The following TUBG2 variants were observed in gnomAD, a reference collection of about 807,000 sequenced individuals.
The protein encoded by TUBG2 is tubulin gamma-2 chain.
TUBG2 carries 39 observed loss-of-function variants against 55.1 expected under a neutral mutation model. The observed-to-expected ratio is 0.71, with a 90% CI of 0.55 to 0.93. The LOEUF is 0.93. Ranked by LOEUF, TUBG2 falls within the 40% of genes least tolerant of loss-of-function variation. The pLI is 0.00. For missense variants in TUBG2, 358 were observed against 599.1 expected (o/e 0.60, Z 4.20); for synonymous variants, 223 against 241.0 (o/e 0.93, Z 0.69).
rs1445029003 is a variant in TUBG2, at chr17:42,666,678, G to A, written c.1234G>A (p.Asp412Asn). The A allele has an allele frequency of 3.1e-6, 5 of 1,614,202 alleles. No homozygotes were observed. Among genetic ancestry groups the A allele is most frequent in the Admixed American group, 1.7e-5 (1 of 60,026 alleles). The change falls in exon 11 of 11, where the codon GAC becomes AAC. Residue 412 changes from aspartate (D) to asparagine (N), a missense_variant. Transcript: ENST00000251412. Reference protein sequence around the residue: ...DAFLEQFRKEDMFKDNFDEMD... With the variant: ...DAFLEQFRKENMFKDNFDEMD... ...CTTCCTCGAGCAGTTCCGTAAGGAGGACATGTTCAAGGACAACTTTGATGA... is the reference window on the plus strand; with the variant it reads ...CTTCCTCGAGCAGTTCCGTAAGGAGAACATGTTCAAGGACAACTTTGATGA...
intron 6 of TUBG2, among the ~76,000 whole-genome samples, chr17:42,664,184 G>T (rs2052461498): frequency 6.6e-6 from 1 of 151,886 alleles, no homozygotes. Flanking sequence ...GCTGAGGTGG[G>T]GGGATTGCTT....
chr17:42,663,851 G>A (rs1290074533), intron 6 of TUBG2, among the ~76,000 whole-genome samples: 1 of 151,952 alleles, frequency 6.6e-6, no homozygotes, highest in African/African-American at 2.4e-5. Flanking sequence ...GCTGAGGCAG[G>A]AGAGTTGCTT....
At chr17:42,663,942 C>CA (rs376456859) in intron 6 of TUBG2, among the ~76,000 whole-genome samples, 92,166 of 130,034 alleles carry the variant, frequency 0.71, 32,383 homozygotes, top group East Asian at 0.96. Context: ...GACTCTGTCT[C>CA]AAAAAAAAAA....
chr17:42,665,429 T>C (rs771288583), intron 6 of TUBG2, 47 bp from the exon 7 acceptor site: 10 of 1,613,372 alleles, frequency 6.2e-6, no homozygotes, highest in Non-Finnish European at 7.6e-6. Flanking sequence ...CTTATTTCTA[T>C]GCCCATTTTA....
At chr17:42,665,193 G>T (rs746245462) in intron 6 of TUBG2, among the ~76,000 whole-genome samples, 1 of 152,060 alleles carries the variant, frequency 6.6e-6, no homozygotes, top group Non-Finnish European at 1.5e-5. Context: ...GACTACAGGC[G>T]CCCGCCAACA....
chr17:42,666,581 T>C (rs1233378437), intron 10 of TUBG2, 22 bp from the exon 11 acceptor site: 5 of 1,614,242 alleles, frequency 3.1e-6, no homozygotes. Flanking sequence ...GCTCGCATTT[T>C]GGAGATTTTC....
rs766413107 is a variant in TUBG2 at position 42,660,723 on chromosome 17, G to T, written c.399+16G>T. ...CAGTTTGGAGGTGAAGTTATGGAGT[G>T]GGGGAAGGAATGGGCAGGGAGGCCG... On this transcript the variant is annotated intron_variant, in intron 4 of 10. Coordinates refer to ENST00000251412, the MANE Select transcript of TUBG2 (RefSeq NM_016437.3). 9 of 1,613,532 alleles carry T rather than the reference G, an allele frequency of 5.6e-6. No homozygotes were observed. Among genetic ancestry groups the T allele is most frequent in the African/African-American group, 1.3e-5 (1 of 75,028 alleles).
At position 42,660,138 on chromosome 17, in the gene TUBG2, C is replaced by G. The variant is rs772568522; in HGVS notation, c.163-11C>G. 6.4e-7 allele frequency: 1 copy of G among 1,563,908 alleles called. No homozygotes were observed. Among genetic ancestry groups the G allele is most frequent in the South Asian group, 1.2e-5 (1 of 85,914 alleles). On this transcript the variant is annotated splice_polypyrimidine_tract_variant and intron_variant, in intron 2 of 10. Coordinates refer to ENST00000251412, the MANE Select transcript of TUBG2 (RefSeq NM_016437.3). ...AGCTGATTGGGCCCCCTCCTGGACTCCCCTTGACAGGCAGACGATGAGCAC... is the reference window on the plus strand; with the variant it reads ...AGCTGATTGGGCCCCCTCCTGGACTGCCCTTGACAGGCAGACGATGAGCAC...
intron 6 of TUBG2, among the ~76,000 whole-genome samples, chr17:42,664,451 G>C (rs370686919): frequency 2.6e-5 from 4 of 151,996 alleles, no homozygotes; most frequent in East Asian, 3.9e-4. Context: ...AATCCTTTTA[G>C]GCAGCAAAAC....
Position 42,659,525 on chromosome 17 carries a change from C to T in TUBG2, c.22C>T (p.Leu8=), listed in dbSNP as rs1245778389. The change falls in exon 1 of 11, where the codon CTG becomes TTG. Residue 8 remains leucine, a synonymous_variant. Coordinates refer to ENST00000251412, the MANE Select transcript of TUBG2 (RefSeq NM_016437.3). MPREIIT[L]QLGQCGNQIG... ...AGCGATGCCCCGGGAGATCATCACC[C>T]TGCAGCTGGGCCAGTGCGGCAACCA... The T allele has an allele frequency of 2.6e-6, 4 of 1,553,560 alleles. No homozygotes were observed. The East Asian group carries it at 7.3e-5, about 28-fold the overall frequency.
Position 42,666,120 on chromosome 17 carries a change from G to T in TUBG2, c.877G>T (p.Val293Phe), listed in dbSNP as rs909568520. 4.3e-6 allele frequency: 7 copies of T among 1,613,912 alleles called. No homozygotes were observed. The highest frequency in any genetic ancestry group is 4.2e-6 in the Non-Finnish European group (5 of 1,179,888). ...ASVRKTTVLD[V>F]MRRLLQPKNV... ...CGTGAGGAAGACCACGGTCCTGGATGTCATGAGGCGGCTGCTGCAGCCCAA... is the reference window on the plus strand; with the variant it reads ...CGTGAGGAAGACCACGGTCCTGGATTTCATGAGGCGGCTGCTGCAGCCCAA... The change falls in exon 9 of 11, where the codon GTC becomes TTC. Residue 293 changes from valine to phenylalanine, a missense_variant. Around this residue, in one of 8 missense-constraint regions of TUBG2, gnomAD observed 129 missense variants for 251.6 expected, o/e 0.51. Transcript: ENST00000251412.
Position 42,659,427 on chromosome 17 carries a change from C to T in TUBG2, c.-77C>T, listed in dbSNP as rs952384301. 8 of 1,464,122 alleles carry T rather than the reference C, an allele frequency of 5.5e-6. No individual in the cohort carries two copies. Among genetic ancestry groups the T allele is most frequent in the Non-Finnish European group, 6.4e-6 (7 of 1,087,124 alleles). 90.7% of individuals were successfully genotyped at this position (1,464,122 alleles called of 1,614,324 possible). A position where few individuals can be genotyped will look rare whatever the true frequency, so the allele number is the denominator to read the frequency against. ...GAGAGCGCGCGCTCCCCACGTCCTG[C>T]GCTCCTGGCTGCCGGGCATTCGTCT... On this transcript the variant is annotated 5_prime_UTR_variant, in exon 1 of 11. Transcript: ENST00000251412.
Position 42,659,409 on chromosome 17 carries a change from C to G in TUBG2, c.-95C>G. On this transcript the variant is annotated 5_prime_UTR_variant, in exon 1 of 11. Coordinates refer to ENST00000251412, the MANE Select transcript of TUBG2 (RefSeq NM_016437.3). ...TCCGCGTCAAGAGGCGAAGAGAGCGCGCGCTCCCCACGTCCTGCGCTCCTG... is the reference window on the plus strand; with the variant it reads ...TCCGCGTCAAGAGGCGAAGAGAGCGGGCGCTCCCCACGTCCTGCGCTCCTG... 2 of 1,318,942 alleles carry G rather than the reference C, an allele frequency of 1.5e-6. No homozygotes were observed. The highest frequency in any genetic ancestry group is 1.0e-6 in the Non-Finnish European group (1 of 972,602). The allele number at this position is 1,318,942 out of a possible 1,614,324, so 81.7% of individuals were successfully genotyped here. A position where few individuals can be genotyped will look rare whatever the true frequency, so the allele number is the denominator to read the frequency against.
At position 42,666,668 on chromosome 17, in the gene TUBG2, C is replaced by T. The variant is rs752790867; in HGVS notation, c.1224C>T (p.Phe408=). Residue 408 remains phenylalanine (F), a synonymous_variant, in exon 11 of 11, where the codon TTC becomes TTT. Transcript: ENST00000251412. Reference sequence around the variant, plus strand: ...AGCGGGATGCCTTCCTCGAGCAGTTCCGTAAGGAGGACATGTTCAAGGACA... The same window carrying T: ...AGCGGGATGCCTTCCTCGAGCAGTTTCGTAAGGAGGACATGTTCAAGGACA... ...LRKRDAFLEQ[F]RKEDMFKDNF... 6.2e-7 allele frequency: 1 copy of T among 1,614,202 alleles called. No individual in the cohort carries two copies. The highest frequency in any genetic ancestry group is 8.5e-7 in the Non-Finnish European group (1 of 1,180,018).
intron 4 of TUBG2, chr17:42,661,080 C>A (rs1169824397): frequency 4.1e-6 from 1 of 241,852 alleles, no homozygotes; most frequent in Non-Finnish European, 8.3e-6. Flanking sequence ...TCTCCCCATG[C>A]TGGGTGCGAT....
At position 42,666,916 on chromosome 17, in the gene TUBG2, G is replaced by A. The variant is rs2052563097; in HGVS notation, c.*116G>A. On this transcript the variant is annotated 3_prime_UTR_variant, in exon 11 of 11. Transcript: ENST00000251412. ...ACCCTTCTTGGTTCATCTCCAGCCC[G>A]TGAGCTGGTCCTGCTTCCTCCCTTC... The A allele has an allele frequency of 1.7e-5, 19 of 1,086,010 alleles. No individual in the cohort carries two copies. The highest frequency in any genetic ancestry group is 2.4e-5 in the Non-Finnish European group (18 of 745,414). The allele number at this position is 1,086,010 out of a possible 1,614,324, so 67.3% of individuals were successfully genotyped here. A position where few individuals can be genotyped will look rare whatever the true frequency, so the allele number is the denominator to read the frequency against.
chr17:42,666,365 A>C lies in TUBG2; in HGVS notation c.1039A>C (p.Asn347His). 1 of 1,614,222 alleles carries C rather than the reference A, an allele frequency of 6.2e-7. No homozygotes were observed. Among genetic ancestry groups the C allele is most frequent in the Non-Finnish European group, 8.5e-7 (1 of 1,180,038 alleles). Reference protein sequence around the residue: ...LQRIRERKLANFIPWGPASIQ... With the variant: ...LQRIRERKLAHFIPWGPASIQ... ...GAGGATCCGGGAACGGAAGTTGGCC[A>C]ACTTCATCCCGTGGGGCCCCGCCAG... is the stretch of plus-strand genomic sequence containing the variant. The change falls in exon 10 of 11, where the codon AAC (asparagine) becomes CAC (histidine). Residue 347 changes from asparagine to histidine, a missense_variant. Physicochemically the swap from Asn to His is moderately conservative, Grantham distance 68. Coordinates refer to ENST00000251412, the MANE Select transcript of TUBG2 (RefSeq NM_016437.3).
intron 5 of TUBG2, 96 bp downstream of exon 5, chr17:42,663,148 T>C (rs1183124911): frequency 1.4e-6 from 2 of 1,418,654 alleles, no homozygotes; most frequent in Non-Finnish European, 2.0e-6. Flanking sequence ...ACTACCCCTT[T>C]TGAGTCATAG....
Position 42,663,179 on chromosome 17 carries a change from C to A in TUBG2, c.479+127C>A, listed in dbSNP as rs943307608. 3.2e-6 allele frequency: 4 copies of A among 1,268,692 alleles called. No individual in the cohort carries two copies. In the African/African-American group the frequency reaches 6.0e-5, roughly 19 times the overall value. 78.6% of individuals were successfully genotyped at this position (1,268,692 alleles called of 1,614,324 possible). A position where few individuals can be genotyped will look rare whatever the true frequency, so the allele number is the denominator to read the frequency against. ...CATAGGGACAGACCCACCCAAGGAC[C>A]ATGTTGGAAGCTATTTTGGGGGGTG... On this transcript the variant is annotated intron_variant, in intron 5 of 10. Coordinates refer to ENST00000251412, the MANE Select transcript of TUBG2 (RefSeq NM_016437.3).
Sources: allele counts gnomAD v4.1 joint callset (sites outside exome capture counted in the v4.1 genomes callset), GRCh38; gene constraint gnomAD v4.1.1; regional missense constraint gnomAD v4.1.1; transcripts MANE v1.5; gene names NCBI Gene and HGNC (gene_info 2026-07-23, HGNC 2026-07-21).